The following CSMD1 variants were observed in gnomAD, a reference collection of about 807,000 sequenced individuals.
The protein encoded by CSMD1 is CUB and sushi domain-containing protein 1.
A neutral mutation model predicts 417.5 loss-of-function variants in CSMD1; 213 were observed. That is an observed-to-expected ratio of 0.51 (90% confidence interval 0.46 to 0.57). CSMD1 has a LOEUF of 0.57. Among genes scored for constraint, CSMD1 ranks in the 20% least tolerant of loss-of-function variants. The pLI is 0.00. For missense variants in CSMD1, 6,923 were observed against 4,529.7 expected, an observed-to-expected ratio of 1.53 and a Z score of -15.17; for synonymous variants, 2,862 against 1,736.8, an observed-to-expected ratio of 1.65 and a Z score of -16.11.
chr8:4,270,890 A>C (rs1804545923), intron 3 of CSMD1, among the ~76,000 whole-genome samples: 1 of 152,150 alleles, frequency 6.6e-6, no homozygotes. Context: ...TCATTCCTTC[A>C]ACAAACAACT....
intron 5 of CSMD1, among the ~76,000 whole-genome samples, chr8:3,933,224 A>C (rs7846247): frequency 0.013 from 1,732 of 136,074 alleles, 120 homozygotes; most frequent in African/African-American, 0.044. Flanking sequence ...TTAAGTAGAA[A>C]AGGAGAAGAA....
intron 5 of CSMD1, among the ~76,000 whole-genome samples, chr8:3,949,789 C>G (rs940716543): frequency 6.6e-6 from 1 of 152,136 alleles, no homozygotes; most frequent in African/African-American, 2.4e-5. Context: ...GCACTGTTGC[C>G]TCTAACACAT....
intron 41 of CSMD1, among the ~76,000 whole-genome samples, chr8:3,132,973 G>A (rs1174604217): frequency 6.6e-6 from 1 of 152,182 alleles, no homozygotes; most frequent in Non-Finnish European, 1.5e-5. Flanking sequence ...TGAGGGTGCC[G>A]CTCCGTTCAC....
intron 5 of CSMD1, among the ~76,000 whole-genome samples, chr8:3,884,238 G>A (rs990316051): frequency 1.5e-4 from 23 of 152,038 alleles, no homozygotes; most frequent in African/African-American, 2.7e-4. Context: ...CCTTTGATAC[G>A]CCTCTAATGG....
chr8:3,241,619 T>G (rs1486501614), intron 26 of CSMD1, among the ~76,000 whole-genome samples: 1 of 152,154 alleles, frequency 6.6e-6, no homozygotes, highest in Non-Finnish European at 1.5e-5. Flanking sequence ...GGACACGGTT[T>G]AGGAGGAATC....
At chr8:4,564,866 T>C (rs1798516396) in intron 2 of CSMD1, among the ~76,000 whole-genome samples, 1 of 152,228 alleles carries the variant, frequency 6.6e-6, no homozygotes, top group African/African-American at 2.4e-5. Flanking sequence ...TTACTATTTT[T>C]TCTGTGTCTT....
At chr8:4,007,808 G>A (rs939325519) in intron 4 of CSMD1, among the ~76,000 whole-genome samples, 14 of 151,998 alleles carry the variant, frequency 9.2e-5, no homozygotes, top group Non-Finnish European at 2.1e-4. Flanking sequence ...TATTTAGGGG[G>A]CTATGCACGG....
chr8:3,694,712 G>T (rs1330952854), intron 7 of CSMD1, among the ~76,000 whole-genome samples: 1 of 151,848 alleles, frequency 6.6e-6, no homozygotes, highest in East Asian at 2.0e-4. Flanking sequence ...TGAAAGGGGA[G>T]AACCTGGAGG....
intron 10 of CSMD1, among the ~76,000 whole-genome samples, chr8:3,535,940 C>T (rs1262386131): frequency 6.6e-6 from 1 of 152,126 alleles, no homozygotes; most frequent in Non-Finnish European, 1.5e-5. Context: ...AGGAGAAGCC[C>T]CCACCAGTCG....
chr8:4,656,724 G>T (rs138743691), intron 1 of CSMD1, among the ~76,000 whole-genome samples: 2 of 152,024 alleles, frequency 1.3e-5, no homozygotes, highest in Admixed American at 6.6e-5. Flanking sequence ...ACTCACTCCA[G>T]AACAGTGTTT....
At chr8:4,198,066 A>G (rs543118492) in intron 3 of CSMD1, among the ~76,000 whole-genome samples, 2 of 152,232 alleles carry the variant, frequency 1.3e-5, no homozygotes, top group African/African-American at 4.8e-5. Context: ...GCGATTATCA[A>G]AGCGCAAAGC....
intron 5 of CSMD1, among the ~76,000 whole-genome samples, chr8:3,850,453 G>A (rs1312983646): frequency 6.6e-6 from 1 of 152,142 alleles, no homozygotes; most frequent in East Asian, 1.9e-4. Context: ...CCAGCATTTT[G>A]GAAGGCTGAG....
chr8:4,587,457 A>G (rs1192521987), intron 2 of CSMD1, among the ~76,000 whole-genome samples: 2 of 148,604 alleles, frequency 1.3e-5, no homozygotes, highest in African/African-American at 5.0e-5. Context: ...GTACATATAT[A>G]TGTATATGTA....
rs530451204 is a variant in CSMD1, at chr8:4,231,517, G to A, written c.415+188436C>T. Among the ~76,000 whole-genome samples, 5 of 29,208 alleles carry A rather than the reference G, an allele frequency of 1.7e-4. No individual in the cohort carries two copies. In the South Asian group the frequency reaches 0.011, roughly 65 times the overall value. The allele number at this position is 29,208 out of a possible 152,430, so 19.2% of individuals were successfully genotyped here. On this transcript the variant is annotated intron_variant, in intron 3 of 69. Coordinates refer to ENST00000635120, the MANE Select transcript of CSMD1 (RefSeq NM_033225.6). Reference sequence around the variant, plus strand: ...CCTTCAATTAGGAGACATAAGAAAGGTCTGTAATTTTTTTTTGGTGTTAAA... The same window carrying A: ...CCTTCAATTAGGAGACATAAGAAAGATCTGTAATTTTTTTTTGGTGTTAAA...
intron 3 of CSMD1, among the ~76,000 whole-genome samples, chr8:4,058,896 T>C (rs1049754496): frequency 6.6e-6 from 1 of 151,882 alleles, no homozygotes; most frequent in Non-Finnish European, 1.5e-5. Flanking sequence ...GAGAGAAAGT[T>C]AACAAGGATA....
At chr8:3,346,248 T>C (rs1807985762) in intron 22 of CSMD1, among the ~76,000 whole-genome samples, 1 of 152,228 alleles carries the variant, frequency 6.6e-6, no homozygotes, top group Admixed American at 6.5e-5. Context: ...TTAAACAGCA[T>C]GCAATCACAA....
At chr8:4,467,122 T>TTA (rs1554489153) in intron 2 of CSMD1, among the ~76,000 whole-genome samples, 3 of 86,254 alleles carry the variant, frequency 3.5e-5, no homozygotes, top group Admixed American at 1.3e-4. Flanking sequence ...TTCTTCAGAG[T>TTA]AAAAAAAAAA....
intron 11 of CSMD1, among the ~76,000 whole-genome samples, chr8:3,478,337 C>G (rs1312780654): frequency 2.0e-5 from 3 of 152,186 alleles, no homozygotes; most frequent in Non-Finnish European, 2.9e-5. Flanking sequence ...GACTAAAGCC[C>G]AACGTGATGC....
At position 3,617,071 on chromosome 8, in the gene CSMD1, C is replaced by T. The variant is rs181758118; in HGVS notation, c.1010-274G>A. Among the ~76,000 whole-genome samples, 815 of 152,098 alleles carry T rather than the reference C, an allele frequency of 5.4e-3. 7 individuals carry two copies. Among genetic ancestry groups the T allele is most frequent in the Admixed American group, 7.6e-3 (116 of 15,268 alleles). On this transcript the variant is annotated intron_variant, in intron 7 of 69. Transcript: ENST00000635120. ...ATTTAATAAAAAATCTCATTTGGTC[C>T]TTATGATTACTTTTATGCCAGGTCA...
Sources: gnomAD v4.1 joint callset for allele counts (sites outside exome capture counted in the v4.1 genomes callset) on GRCh38, gnomAD v4.1.1 for gene constraint, MANE v1.5 for transcripts, NCBI Gene and HGNC (gene_info 2026-07-23, HGNC 2026-07-21) for gene names.